Variants in SHLD2 observed in about 807,000 individuals in gnomAD.
SHLD2 encodes shieldin complex subunit 2, also known as RINN1-REV7-interacting novel NHEJ regulator 2.
A neutral mutation model predicts 73.2 loss-of-function variants in SHLD2; 30 were observed. The ratio of observed to expected loss-of-function variants is 0.41; its 90% CI spans 0.31 to 0.56. The LOEUF (loss-of-function observed/expected upper bound fraction) is 0.56. Among genes scored for constraint, SHLD2 ranks in the 20% least tolerant of loss-of-function variants. The pLI, the probability that SHLD2 is intolerant of heterozygous loss-of-function variation, is 0.28. For missense variants in SHLD2, 745 were observed against 1,055.9 expected, an observed-to-expected ratio of 0.71 and a Z score of 4.08; for synonymous variants, 285 against 370.1, an observed-to-expected ratio of 0.77 and a Z score of 2.64.
intron 2 of SHLD2, among the ~76,000 whole-genome samples, chr10:87,107,803 G>GTAGAC (rs1307868557): frequency 2.0e-5 from 3 of 151,956 alleles, no homozygotes; most frequent in African/African-American, 7.3e-5. Context: ...CATAAATTTT[G>GTAGAC]TAGACTACAT....
chr10:87,130,982 G>A lies in SHLD2; in HGVS notation c.-5-20368G>A, dbSNP rs575341507. 6.6e-5 allele frequency among the ~76,000 whole-genome samples: 10 copies of A among 152,208 alleles called. 2 individuals are homozygous for A. The highest frequency in any genetic ancestry group is 1.9e-4 in the East Asian group (1 of 5,172). ...CTTGGGAGTTTGAGGTGGGAGGATCGCGTGAGCCTGGGATGTGGAGGTTGC... is the reference window on the plus strand; with the variant it reads ...CTTGGGAGTTTGAGGTGGGAGGATCACGTGAGCCTGGGATGTGGAGGTTGC... On this transcript the variant is annotated intron_variant, in intron 2 of 9. Transcript: ENST00000298786.
intron 2 of SHLD2, among the ~76,000 whole-genome samples, chr10:87,140,452 T>C (rs535342740): frequency 4.2e-5 from 6 of 142,936 alleles, no homozygotes; most frequent in African/African-American, 1.5e-4. Flanking sequence ...AATAAGAAAA[T>C]AGTGGCTCAT....
chr10:87,100,210 G>C (rs182537281), intron 2 of SHLD2, among the ~76,000 whole-genome samples: 56 of 152,104 alleles, frequency 3.7e-4, no homozygotes, highest in African/African-American at 1.2e-3. Flanking sequence ...TTACTCCTTT[G>C]TTTTCTTCTA....
intron 2 of SHLD2, among the ~76,000 whole-genome samples, chr10:87,138,623 T>G: frequency 6.6e-6 from 1 of 152,226 alleles, no homozygotes; most frequent in Non-Finnish European, 1.5e-5. Context: ...TATTTCTTAC[T>G]CTGTGAAAGG....
At chr10:87,181,020 T>C (rs1009146395) in intron 8 of SHLD2, among the ~76,000 whole-genome samples, 2 of 152,124 alleles carry the variant, frequency 1.3e-5, no homozygotes, top group African/African-American at 2.4e-5. Context: ...TTATGTTTGT[T>C]ATAAATAAGT....
rs535869501 is a variant in SHLD2 at position 87,141,166 on chromosome 10, A to G, written c.-5-10184A>G. Among the ~76,000 whole-genome samples the G allele has an allele frequency of 2.2e-3, 338 of 152,156 alleles. 4 individuals are homozygous for G. The highest frequency in any genetic ancestry group is 3.8e-3 in the Non-Finnish European group (261 of 68,006). On this transcript the variant is annotated intron_variant, in intron 2 of 9. Coordinates refer to ENST00000298786, the MANE Select transcript of SHLD2 (RefSeq NM_001330112.2). Reference sequence around the variant, plus strand: ...CATGGTGGCATGGGCCTGTAGTCCTATCTACTCAGGTGGCTAAGGTGGGAG... The same window carrying G: ...CATGGTGGCATGGGCCTGTAGTCCTGTCTACTCAGGTGGCTAAGGTGGGAG...
chr10:87,148,611 T>C (rs1055438010), intron 2 of SHLD2, among the ~76,000 whole-genome samples: 3 of 150,038 alleles, frequency 2.0e-5, no homozygotes, highest in Admixed American at 6.7e-5. Flanking sequence ...AGCGTGACAG[T>C]ATGTATCTGT....
Position 87,172,735 on chromosome 10 carries a change from T to C in SHLD2, c.1963+1761T>C, listed in dbSNP as rs189475512. 2.9e-3 allele frequency among the ~76,000 whole-genome samples: 444 copies of C among 151,702 alleles called. 3 individuals carry two copies. The highest frequency in any genetic ancestry group is 0.01 in the African/African-American group (415 of 41,234). ...TGTTATCATATAATAAATATTTTTA[T>C]GTTTATATAAGTTAATACATAAAAA... is the stretch of plus-strand genomic sequence containing the variant. On this transcript the variant is annotated intron_variant, in intron 6 of 9. Coordinates refer to ENST00000298786, the MANE Select transcript of SHLD2 (RefSeq NM_001330112.2).
intron 4 of SHLD2, among the ~76,000 whole-genome samples, chr10:87,159,705 G>A (rs1192269650): frequency 6.6e-6 from 1 of 152,172 alleles, no homozygotes; most frequent in African/African-American, 2.4e-5. Context: ...AGGATTTTCT[G>A]ATGATGTGGG....
chr10:87,111,640 C>CAAA (rs972282870), intron 2 of SHLD2, among the ~76,000 whole-genome samples: 16 of 66,800 alleles, frequency 2.4e-4, no homozygotes, highest in East Asian at 4.3e-4. Context: ...GAGTCTGTCT[C>CAAA]AAAAAAAAAA....
At chr10:87,119,958 G>A (rs139906310) in intron 2 of SHLD2, among the ~76,000 whole-genome samples, 7,562 of 151,952 alleles carry the variant, frequency 0.05, 277 homozygotes, top group Non-Finnish European at 0.068. Context: ...AAATCTATAG[G>A]GATTTCTCAG....
chr10:87,109,644 T>C (rs1018430755), intron 2 of SHLD2, among the ~76,000 whole-genome samples: 27 of 152,202 alleles, frequency 1.8e-4, no homozygotes, highest in African/African-American at 6.5e-4. Context: ...GCAAAAATTC[T>C]AAATTTACAT....
intron 2 of SHLD2, among the ~76,000 whole-genome samples, chr10:87,142,215 T>G (rs998553776): frequency 1.1e-4 from 16 of 152,194 alleles, no homozygotes; most frequent in African/African-American, 3.9e-4. Flanking sequence ...TGAACTTTCT[T>G]ATGGGAATTC....
chr10:87,096,562 C>T (rs1354168477), intron 1 of SHLD2, among the ~76,000 whole-genome samples: 2 of 151,722 alleles, frequency 1.3e-5, no homozygotes, highest in African/African-American at 2.4e-5. Flanking sequence ...AGCCTGGGCT[C>T]GTCTCTATAA....
At chr10:87,158,630 C>T (rs1383439069) in intron 4 of SHLD2, among the ~76,000 whole-genome samples, 4 of 152,074 alleles carry the variant, frequency 2.6e-5, no homozygotes, top group South Asian at 2.1e-4. Context: ...CCTTATTCTC[C>T]TGTCTACCAC....
intron 2 of SHLD2, chr10:87,115,414 A>G (rs561834885): frequency 1.3e-3 from 196 of 152,354 alleles, no homozygotes; most frequent in African/African-American, 4.6e-3. Flanking sequence ...GGGAAATAGA[A>G]TAGGGTCCAG....
chr10:87,182,325 T>G (rs1848365620), intron 8 of SHLD2, among the ~76,000 whole-genome samples: 1 of 152,340 alleles, frequency 6.6e-6, no homozygotes, highest in South Asian at 2.1e-4. Flanking sequence ...TAAGTAGACT[T>G]ATTGTGCCCA....
intron 6 of SHLD2, among the ~76,000 whole-genome samples, chr10:87,172,132 G>C (rs1847632922): frequency 6.6e-6 from 1 of 152,152 alleles, no homozygotes; most frequent in Non-Finnish European, 1.5e-5. Context: ...TTAAGATGTT[G>C]TTGTTCTTTG....
At chr10:87,134,943 G>A (rs990098337) in intron 2 of SHLD2, among the ~76,000 whole-genome samples, 1 of 152,176 alleles carries the variant, frequency 6.6e-6, no homozygotes, top group Non-Finnish European at 1.5e-5. Flanking sequence ...GTGTGCGACT[G>A]GAGAGCAAGG....
Sources: allele counts gnomAD v4.1 joint callset (sites outside exome capture counted in the v4.1 genomes callset), GRCh38; gene constraint gnomAD v4.1.1; transcripts MANE v1.5; gene names NCBI Gene and HGNC (gene_info 2026-07-23, HGNC 2026-07-21).